TEC: variants seen among roughly 807,000 people sequenced by gnomAD.
TEC encodes tyrosine-protein kinase Tec.
In TEC, 72 loss-of-function variants were observed where a neutral mutation model predicts 93.0. The ratio of observed to expected loss-of-function variants is 0.77; its 90% CI spans 0.64 to 0.94. The LOEUF (loss-of-function observed/expected upper bound fraction) is 0.94, where lower values mean the gene tolerates loss of function less well. Among genes scored for constraint, TEC ranks in the 40% least tolerant of loss-of-function variants. The pLI is 0.00. For synonymous variants in TEC, 249 were observed against 247.7 expected, an observed-to-expected ratio of 1.01 and a Z score of -0.05; for missense variants, 630 against 757.9, an observed-to-expected ratio of 0.83 and a Z score of 1.98.
At position 48,137,195 on chromosome 4, in the gene TEC, G is replaced by T. The variant is rs896696388; in HGVS notation, c.*221C>A. The T allele has an allele frequency of 1.3e-5, 7 of 544,342 alleles. No homozygotes were observed. The highest frequency in any genetic ancestry group is 7.7e-5 in the African/African-American group (4 of 51,832). 33.7% of individuals were successfully genotyped at this position (544,342 alleles called of 1,614,324 possible). A position where few individuals can be genotyped will look rare whatever the true frequency, so the allele number is the denominator to read the frequency against. On this transcript the variant is annotated 3_prime_UTR_variant, in exon 18 of 18. Coordinates refer to ENST00000381501, the MANE Select transcript of TEC (RefSeq NM_003215.3). ...AAGTGCCTGAGGAATGAATAGAAAT[G>T]AGTGATTTTAATCACCATTTCTAAG...
At position 48,163,105 on chromosome 4, in the gene TEC, C is replaced by T. The variant is rs76614050; in HGVS notation, c.737+597G>A. ...GATTACATAAATTATTGGACATCCA[C>T]GTGCCATCTGCCTGGTTATGTCTCT... On this transcript the variant is annotated intron_variant, in intron 8 of 17. Coordinates refer to ENST00000381501, the MANE Select transcript of TEC (RefSeq NM_003215.3). 5.4e-3 allele frequency among the ~76,000 whole-genome samples: 821 copies of T among 152,156 alleles called. 5 individuals carry two copies. The highest frequency in any genetic ancestry group is 0.024 in the Middle Eastern group (7 of 294).
At position 48,189,292 on chromosome 4, in the gene TEC, C is replaced by T. The variant is rs540337817; in HGVS notation, c.139-13106G>A. Reference sequence around the variant, plus strand: ...TTCCTTGACCACCAGGCCTGCCTAACACGCTCCCAACACATGTGTGAAGAG... The same window carrying T: ...TTCCTTGACCACCAGGCCTGCCTAATACGCTCCCAACACATGTGTGAAGAG... On this transcript the variant is annotated intron_variant, in intron 2 of 17. Transcript: ENST00000381501. 2.8e-4 allele frequency among the ~76,000 whole-genome samples: 42 copies of T among 152,216 alleles called. No individual in the cohort carries two copies. In the East Asian group the frequency reaches 7.8e-3, roughly 28 times the overall value.
At chr4:48,264,619 C>A (rs1387955973) in intron 1 of TEC, among the ~76,000 whole-genome samples, 1 of 149,472 alleles carries the variant, frequency 6.7e-6, no homozygotes, top group Non-Finnish European at 1.5e-5. Context: ...CCCCAGTCGA[C>A]AAGCTCATCC....
chr4:48,228,638 T>G lies in TEC; in HGVS notation c.-24A>C. On this transcript the variant is annotated 5_prime_UTR_variant, in exon 2 of 18. Transcript: ENST00000381501. ...ATCTCCGTCTTCTGATTACTCCTCC[T>G]GCCACTGAAGATCCCAGTATTCTAC... 1 of 1,607,102 alleles carries G rather than the reference T, an allele frequency of 6.2e-7. No individual in the cohort carries two copies. The highest frequency in any genetic ancestry group is 2.2e-5 in the East Asian group (1 of 44,786).
At chr4:48,150,534 G>C (rs1720114277) in intron 10 of TEC, among the ~76,000 whole-genome samples, 1 of 152,112 alleles carries the variant, frequency 6.6e-6, no homozygotes, top group Non-Finnish European at 1.5e-5. Context: ...CTGGGCTGCA[G>C]CATCTACTAA....
intron 1 of TEC, among the ~76,000 whole-genome samples, chr4:48,257,254 C>T (rs928342574): frequency 1.4e-4 from 22 of 152,020 alleles, no homozygotes; most frequent in African/African-American, 5.3e-4. Context: ...TTTAAGGTGA[C>T]TACTAGAAAA....
At chr4:48,236,090 C>G (rs564065549) in intron 1 of TEC, among the ~76,000 whole-genome samples, 2 of 152,264 alleles carry the variant, frequency 1.3e-5, no homozygotes, top group African/African-American at 4.8e-5. Flanking sequence ...CAGATTTCAA[C>G]AGAGATAGCC....
At chr4:48,172,976 TAAC>T (rs1721177517) in intron 3 of TEC, among the ~76,000 whole-genome samples, 1 of 152,178 alleles carries the variant, frequency 6.6e-6, no homozygotes, top group African/African-American at 2.4e-5. Flanking sequence ...TGTATTGTAA[TAAC>T]AATTTAATTT....
At chr4:48,243,464 C>T (rs532766975) in intron 1 of TEC, among the ~76,000 whole-genome samples, 14 of 152,304 alleles carry the variant, frequency 9.2e-5, no homozygotes, top group South Asian at 2.1e-4. Flanking sequence ...ATTCCTTACA[C>T]GCAGCAAACA....
At chr4:48,149,453 C>T (rs1288048310) in intron 11 of TEC, 104 bp downstream of exon 11, 3 of 1,178,870 alleles carry the variant, frequency 2.5e-6, no homozygotes, top group East Asian at 2.7e-5. Flanking sequence ...CCACATTCTA[C>T]AATGAACTAA....
At position 48,224,999 on chromosome 4, in the gene TEC, T is replaced by C. The variant is rs369634212; in HGVS notation, c.138+3478A>G. On this transcript the variant is annotated intron_variant, in intron 2 of 17. Transcript: ENST00000381501. The stretch of plus-strand genomic sequence containing the variant: ...CGACAGCCTCCTCATTGTTTTTCTA[T>C]TGAAAACAGGAGAACTATGAACAAT... 5.3e-5 allele frequency among the ~76,000 whole-genome samples: 8 copies of C among 152,320 alleles called. No homozygotes were observed. In the South Asian group the frequency reaches 1.5e-3, roughly 28 times the overall value.
chr4:48,256,794 G>A (rs910420665), intron 1 of TEC, among the ~76,000 whole-genome samples: 1 of 152,008 alleles, frequency 6.6e-6, no homozygotes, highest in African/African-American at 2.4e-5. Flanking sequence ...GCATAGGCAG[G>A]GAAAATAAGA....
intron 1 of TEC, among the ~76,000 whole-genome samples, chr4:48,266,393 CAGT>C (rs1206677405): frequency 1.3e-5 from 2 of 152,218 alleles, no homozygotes; most frequent in South Asian, 2.1e-4. Flanking sequence ...TATAGCAAGC[CAGT>C]AGGCTCAGGA....
intron 1 of TEC, among the ~76,000 whole-genome samples, chr4:48,236,289 TG>T (rs1723781694): frequency 6.6e-6 from 1 of 152,018 alleles, no homozygotes; most frequent in African/African-American, 2.4e-5. Flanking sequence ...CTTTTTTTTT[TG>T]TTTTTTTTTG....
At chr4:48,266,921 C>T (rs1182738574) in intron 1 of TEC, among the ~76,000 whole-genome samples, 2 of 151,736 alleles carry the variant, frequency 1.3e-5, no homozygotes, top group Admixed American at 6.6e-5. Context: ...TCTGTTTTAA[C>T]GACTGCAAGA....
intron 1 of TEC, among the ~76,000 whole-genome samples, chr4:48,244,258 T>C (rs190472854): frequency 1.2e-4 from 19 of 152,350 alleles, no homozygotes; most frequent in Admixed American, 9.8e-4. Context: ...TTCACACTGC[T>C]GATAAAGACA....
chr4:48,196,422 GAAT>G (rs1722303576), intron 2 of TEC, among the ~76,000 whole-genome samples: 1 of 152,192 alleles, frequency 6.6e-6, no homozygotes, highest in African/African-American at 2.4e-5. Flanking sequence ...TAAATGGGAT[GAAT>G]AATAGCACCA....
chr4:48,152,156 C>A (rs139839374), intron 9 of TEC, among the ~76,000 whole-genome samples: 1 of 152,064 alleles, frequency 6.6e-6, no homozygotes, highest in Non-Finnish European at 1.5e-5. Flanking sequence ...CCGGACACAG[C>A]GGCTCATACC....
At chr4:48,199,581 C>A (rs1722429109) in intron 2 of TEC, among the ~76,000 whole-genome samples, 1 of 147,288 alleles carries the variant, frequency 6.8e-6, no homozygotes, top group South Asian at 2.3e-4. Flanking sequence ...ATTCTCCTGC[C>A]TCAGCGTCCC....
Sources: gnomAD v4.1 joint callset for allele counts (sites outside exome capture counted in the v4.1 genomes callset) on GRCh38, gnomAD v4.1.1 for gene constraint, MANE v1.5 for transcripts, NCBI Gene and HGNC (gene_info 2026-07-23, HGNC 2026-07-21) for gene names.